The following TTC28 variants were observed in gnomAD, a reference collection of about 807,000 sequenced individuals.
TTC28 encodes the protein tetratricopeptide repeat domain 28, also known as tetratricopeptide repeat protein 28.
TTC28 carries 61 observed loss-of-function variants against 198.0 expected under a neutral mutation model. The observed-to-expected ratio is 0.31, with a 90% confidence interval of 0.25 to 0.38. The LOEUF (loss-of-function observed/expected upper bound fraction) is 0.38. TTC28 is among the 10% of genes least tolerant of loss of function. The pLI is 1.00. For synonymous variants in TTC28, 1,171 were observed against 1,297.8 expected, an observed-to-expected ratio of 0.90 and a Z score of 2.10; for missense variants, 2,678 against 3,164.0, an observed-to-expected ratio of 0.85 and a Z score of 3.69.
chr22:28,661,382 C>A (rs1225241793), intron 1 of TTC28, among the ~76,000 whole-genome samples: 1 of 152,144 alleles, frequency 6.6e-6, no homozygotes, highest in Non-Finnish European at 1.5e-5. Context: ...TCAGGTACTA[C>A]ATTAAGTATT....
chr22:28,161,728 C>A (rs547852337), intron 6 of TTC28, among the ~76,000 whole-genome samples: 2 of 111,740 alleles, frequency 1.8e-5, no homozygotes, highest in African/African-American at 6.9e-5. Flanking sequence ...GGAAAGAGGA[C>A]AGGACAGGAC....
At chr22:28,307,642 C>T (rs2045171792) in intron 2 of TTC28, among the ~76,000 whole-genome samples, 1 of 152,106 alleles carries the variant, frequency 6.6e-6, no homozygotes, top group African/African-American at 2.4e-5. Flanking sequence ...TTGTATACAA[C>T]CAGCAAATTA....
chr22:28,094,283 T>G (rs779535459), intron 11 of TTC28, 38 bp from the exon 12 acceptor site: 2 of 1,491,582 alleles, frequency 1.3e-6, no homozygotes, highest in Non-Finnish European at 1.8e-6. Flanking sequence ...TATACACAAT[T>G]AGGGTCAGAG....
intron 2 of TTC28, among the ~76,000 whole-genome samples, chr22:28,601,699 T>C (rs1260142254): frequency 6.6e-6 from 1 of 151,894 alleles, no homozygotes; most frequent in Admixed American, 6.6e-5. Flanking sequence ...ATAGAGCCTC[T>C]AGGCAGAAGC....
intron 9 of TTC28, among the ~76,000 whole-genome samples, chr22:28,100,527 T>C (rs1372375675): frequency 2.6e-5 from 4 of 152,252 alleles, no homozygotes; most frequent in Non-Finnish European, 1.5e-5. Context: ...TAGAACGCTA[T>C]GGTGCAAATT....
intron 5 of TTC28, among the ~76,000 whole-genome samples, chr22:28,228,465 C>T (rs1021249967): frequency 6.6e-6 from 1 of 151,844 alleles, no homozygotes; most frequent in South Asian, 2.1e-4. Context: ...TTTGGAAGAC[C>T]GAGGCAGGGG....
chr22:28,617,971 C>G (rs755922411), intron 2 of TTC28, among the ~76,000 whole-genome samples: 19 of 152,042 alleles, frequency 1.2e-4, no homozygotes, highest in African/African-American at 4.1e-4. Context: ...AGCTGACCTA[C>G]AAAATAAATG....
chr22:28,475,015 A>T (rs2048142495), intron 2 of TTC28, among the ~76,000 whole-genome samples: 1 of 151,974 alleles, frequency 6.6e-6, no homozygotes, highest in African/African-American at 2.4e-5. Flanking sequence ...AAAAAAGAAC[A>T]TTAAGAAAAC....
intron 2 of TTC28, among the ~76,000 whole-genome samples, chr22:28,491,822 G>A (rs968441436): frequency 2.6e-5 from 4 of 152,138 alleles, no homozygotes; most frequent in African/African-American, 7.2e-5. Context: ...TATGTTTATT[G>A]TGGCACTATT....
intron 2 of TTC28, among the ~76,000 whole-genome samples, chr22:28,336,498 T>C (rs2045721596): frequency 6.6e-6 from 1 of 152,218 alleles, no homozygotes; most frequent in Admixed American, 6.5e-5. Context: ...AGCTATTAAT[T>C]ATTGCCTCAA....
intron 6 of TTC28, among the ~76,000 whole-genome samples, chr22:28,134,299 C>T (rs573396720): frequency 3.9e-5 from 6 of 152,296 alleles, no homozygotes; most frequent in East Asian, 1.9e-4. Flanking sequence ...AAAATCAGAG[C>T]GCCACTCCCC....
chr22:28,336,007 C>T lies in TTC28; in HGVS notation c.382-29364G>A, dbSNP rs59943214. Among the ~76,000 whole-genome samples the T allele has an allele frequency of 7.2e-5, 11 of 152,208 alleles. No homozygotes were observed. The East Asian group carries it at 1.9e-3, about 27-fold the overall frequency. On this transcript the variant is annotated intron_variant, in intron 2 of 22. Coordinates refer to ENST00000397906, the MANE Select transcript of TTC28 (RefSeq NM_001145418.2). ...AGATAGCTCTTATTATTTTGAGATA[C>T]GTGCCATCAATACCTAATTTATTGA...
intron 5 of TTC28, among the ~76,000 whole-genome samples, chr22:28,181,135 C>G (rs1215399956): frequency 6.6e-6 from 1 of 152,114 alleles, no homozygotes; most frequent in Non-Finnish European, 1.5e-5. Context: ...ACCAGAGGAG[C>G]TTTCATAATA....
intron 2 of TTC28, among the ~76,000 whole-genome samples, chr22:28,364,234 G>A (rs2046208170): frequency 6.6e-6 from 1 of 152,066 alleles, no homozygotes; most frequent in African/African-American, 2.4e-5. Context: ...GAGATCTGAT[G>A]GTTTTATAAA....
At chr22:28,094,610 C>T (rs1285116967) in intron 11 of TTC28, among the ~76,000 whole-genome samples, 1 of 152,152 alleles carries the variant, frequency 6.6e-6, no homozygotes, top group Non-Finnish European at 1.5e-5. Context: ...GGATATATTC[C>T]TTATAGAAAT....
intron 5 of TTC28, among the ~76,000 whole-genome samples, chr22:28,236,464 G>A (rs1929256696): frequency 6.6e-6 from 1 of 152,120 alleles, no homozygotes; most frequent in African/African-American, 2.4e-5. Context: ...CTAGACTTAA[G>A]TCTTTAAAGG....
chr22:28,581,320 G>A (rs1305177732), intron 2 of TTC28, among the ~76,000 whole-genome samples: 1 of 152,112 alleles, frequency 6.6e-6, no homozygotes, highest in Non-Finnish European at 1.5e-5. Flanking sequence ...CCGTAAAGCC[G>A]GAAGAACCAA....
chr22:28,458,413 G>C (rs540202444), intron 2 of TTC28, among the ~76,000 whole-genome samples: 2 of 152,204 alleles, frequency 1.3e-5, no homozygotes, highest in East Asian at 1.9e-4. Context: ...GGGTCAATTT[G>C]AAAAATCCCA....
At chr22:28,397,511 TCTTACAGCAAAACA>T (rs2046836631) in intron 2 of TTC28, among the ~76,000 whole-genome samples, 1 of 152,216 alleles carries the variant, frequency 6.6e-6, no homozygotes. Context: ...AGTGAACAGC[TCTTACAGCAAAACA>T]GTGCTGAAAG....
Sources: gnomAD v4.1 joint callset for allele counts (sites outside exome capture counted in the v4.1 genomes callset) on GRCh38, gnomAD v4.1.1 for gene constraint, MANE v1.5 for transcripts, NCBI Gene and HGNC (gene_info 2026-07-23, HGNC 2026-07-21) for gene names.